Variants in RNF220 observed in about 807,000 individuals in gnomAD.
The protein encoded by RNF220 is ring finger protein 220, also known as E3 ubiquitin-protein ligase RNF220.
In RNF220, 7 loss-of-function variants were observed where a neutral mutation model predicts 67.1. The ratio of observed to expected loss-of-function variants is 0.10; its 90% CI spans 0.06 to 0.20. RNF220 has a LOEUF of 0.20. Among genes scored for constraint, RNF220 ranks in the 10% least tolerant of loss-of-function variants. The pLI, the probability that RNF220 is intolerant of heterozygous loss-of-function variation, is 1.00. For missense variants in RNF220, 565 were observed against 740.3 expected (o/e 0.76, Z 2.75); for synonymous variants, 270 against 283.2 (o/e 0.95, Z 0.47).
At chr1:44,408,936 A>T (rs1332809530) in intron 1 of RNF220, 1 of 152,220 alleles carries the variant, frequency 6.6e-6, no homozygotes, top group Non-Finnish European at 1.5e-5. Context: ...TTGGACTGGG[A>T]TGGGAGATTA....
chr1:44,538,725 G>A (rs796775221), intron 2 of RNF220, among the ~76,000 whole-genome samples: 8 of 152,210 alleles, frequency 5.3e-5, no homozygotes, highest in African/African-American at 1.9e-4. Context: ...AGACCAGCCT[G>A]GCCAACATGG....
intron 2 of RNF220, among the ~76,000 whole-genome samples, chr1:44,602,432 T>C (rs1573007928): frequency 6.6e-6 from 1 of 151,874 alleles, no homozygotes; most frequent in East Asian, 1.9e-4. Flanking sequence ...CCGGGGAAAG[T>C]GAGTAGAGAG....
intron 2 of RNF220, among the ~76,000 whole-genome samples, chr1:44,458,662 T>A (rs1360891803): frequency 1.3e-5 from 2 of 152,228 alleles, no homozygotes; most frequent in African/African-American, 2.4e-5. Flanking sequence ...TGATTTAGTG[T>A]TCTTAGAAAC....
chr1:44,511,906 C>CGTGTGTGTGTGTGT (rs571261660), intron 2 of RNF220, among the ~76,000 whole-genome samples: 2 of 80,022 alleles, frequency 2.5e-5, no homozygotes, highest in African/African-American at 9.8e-5. Context: ...AATTGAGAAG[C>CGTGTGTGTGTGTGT]GTGTGTGTGC....
Position 44,622,844 on chromosome 1 carries a change from A to C in RNF220, c.804+57A>C. On this transcript the variant is annotated intron_variant, in intron 4 of 14. Coordinates refer to ENST00000361799, the MANE Select transcript of RNF220 (RefSeq NM_018150.4). This position sits in a 1 kb window ranked among gnomAD's most constrained non-coding sequence, Gnocchi z 4.3. ...CCATACTAACCTAGGCCTACCCAGA[A>C]CTGGTTCCTCCTGAGAAAAAGGAGC... 6.7e-7 allele frequency: 1 copy of C among 1,483,854 alleles called. No individual in the cohort carries two copies. 91.9% of individuals were successfully genotyped at this position (1,483,854 alleles called of 1,614,324 possible). A position where few individuals can be genotyped will look rare whatever the true frequency, so the allele number is the denominator to read the frequency against.
intron 8 of RNF220, among the ~76,000 whole-genome samples, chr1:44,636,665 G>A (rs1573151793): frequency 6.6e-6 from 1 of 152,174 alleles, no homozygotes; most frequent in East Asian, 1.9e-4. Flanking sequence ...GGCAAAATTT[G>A]ACCTCCCATG....
chr1:44,631,415 C>G (rs1644116084), intron 5 of RNF220, among the ~76,000 whole-genome samples: 1 of 152,168 alleles, frequency 6.6e-6, no homozygotes, highest in South Asian at 2.1e-4. Flanking sequence ...GTGGGCACAC[C>G]TGAGTAGATA....
chr1:44,527,734 T>C (rs1660486123), intron 2 of RNF220, among the ~76,000 whole-genome samples: 1 of 151,778 alleles, frequency 6.6e-6, no homozygotes, highest in South Asian at 2.1e-4. Flanking sequence ...GAGACCAGCC[T>C]GGCCAACGTG....
At chr1:44,534,209 C>T (rs1389856388) in intron 2 of RNF220, among the ~76,000 whole-genome samples, 1 of 151,860 alleles carries the variant, frequency 6.6e-6, no homozygotes, top group African/African-American at 2.4e-5. Context: ...CGAACTCCTG[C>T]GCTCAAGCAA....
At chr1:44,406,808 G>A (rs1647382798) in intron 1 of RNF220, among the ~76,000 whole-genome samples, 1 of 152,200 alleles carries the variant, frequency 6.6e-6, no homozygotes, top group Non-Finnish European at 1.5e-5. Flanking sequence ...CTTCCGTGTG[G>A]CCCCCCGGGC....
At chr1:44,511,344 G>A (rs1356406714) in intron 2 of RNF220, among the ~76,000 whole-genome samples, 1 of 152,148 alleles carries the variant, frequency 6.6e-6, no homozygotes, top group Non-Finnish European at 1.5e-5. Flanking sequence ...ACTAGCGAAG[G>A]GTTAAAGGGA....
Position 44,573,241 on chromosome 1 carries a change from G to A in RNF220, c.626-40924G>A, listed in dbSNP as rs113052830. 4.8e-3 allele frequency among the ~76,000 whole-genome samples: 732 copies of A among 152,264 alleles called. 3 individuals carry two copies. Among genetic ancestry groups the A allele is most frequent in the Non-Finnish European group, 6.7e-3 (455 of 68,030 alleles). On this transcript the variant is annotated intron_variant, in intron 2 of 14. Transcript: ENST00000361799. ...CCTTCACTAGAACACTATGTGTTGGGTGCCAAGGAGTTTGAACTTCTTCTT... is the reference window on the plus strand; with the variant it reads ...CCTTCACTAGAACACTATGTGTTGGATGCCAAGGAGTTTGAACTTCTTCTT...
At chr1:44,536,775 G>A (rs944259692) in intron 2 of RNF220, among the ~76,000 whole-genome samples, 4 of 152,120 alleles carry the variant, frequency 2.6e-5, no homozygotes, top group Non-Finnish European at 5.9e-5. Context: ...TGATAAATCC[G>A]CCTGCAGATA....
intron 2 of RNF220, among the ~76,000 whole-genome samples, chr1:44,472,398 T>G (rs2147995555): frequency 6.6e-6 from 1 of 151,656 alleles, no homozygotes; most frequent in South Asian, 2.1e-4. Context: ...TGTTTTTTTG[T>G]TATGTTTTGT....
At chr1:44,488,720 CTTTTTTCTTTTTT>C (rs1453286530) in intron 2 of RNF220, among the ~76,000 whole-genome samples, 1 of 137,228 alleles carries the variant, frequency 7.3e-6, no homozygotes, top group African/African-American at 2.7e-5. Context: ...TTTTCTTTTT[CTTTTTTCTTTTTT>C]TTTTTTTTTT....
chr1:44,551,119 CT>C (rs386366846), intron 2 of RNF220, among the ~76,000 whole-genome samples: 3,898 of 97,294 alleles, frequency 0.04, 104 homozygotes, highest in East Asian at 0.27. Context: ...CACTTCTTGC[CT>C]TTTTTTTTTT....
intron 2 of RNF220, among the ~76,000 whole-genome samples, chr1:44,494,302 C>T (rs1056952780): frequency 6.0e-5 from 9 of 150,668 alleles, no homozygotes; most frequent in African/African-American, 9.8e-5. Context: ...AGAGACATTA[C>T]GGGGCTAGAC....
chr1:44,598,918 C>T (rs1666728421), intron 2 of RNF220, among the ~76,000 whole-genome samples: 1 of 152,148 alleles, frequency 6.6e-6, no homozygotes, highest in South Asian at 2.1e-4. Context: ...CAATTGCCTT[C>T]CTTCCCCTAT....
chr1:44,493,791 A>G (rs1657070864), intron 2 of RNF220, among the ~76,000 whole-genome samples: 1 of 152,158 alleles, frequency 6.6e-6, no homozygotes, highest in Admixed American at 6.5e-5. Context: ...CCTGGGCAAC[A>G]TAGGGAGATT....
Sources: gnomAD v4.1 joint callset for allele counts (sites outside exome capture counted in the v4.1 genomes callset) on GRCh38, gnomAD v4.1.1 for gene constraint, Gnocchi (gnomAD v3.1) non-coding constraint, MANE v1.5 for transcripts, NCBI Gene and HGNC (gene_info 2026-07-23, HGNC 2026-07-21) for gene names.